The following CAMK4 variants were observed in gnomAD, a reference collection of about 807,000 sequenced individuals.
The protein encoded by CAMK4 is calcium/calmodulin dependent protein kinase IV.
CAMK4 carries 22 observed loss-of-function variants against 44.9 expected under a neutral mutation model. The ratio of observed to expected loss-of-function variants is 0.49; its 90% CI spans 0.35 to 0.70. The LOEUF is 0.70. Ranked by LOEUF, CAMK4 falls within the 30% of genes least tolerant of loss-of-function variation. The pLI, the probability that CAMK4 is intolerant of heterozygous loss-of-function variation, is 0.01. For synonymous variants in CAMK4, 218 were observed against 215.4 expected (o/e 1.01, Z -0.11); for missense variants, 498 against 586.8 (o/e 0.85, Z 1.56).
chr5:111,404,092 G>A (rs553399356), intron 5 of CAMK4, among the ~76,000 whole-genome samples: 7 of 152,274 alleles, frequency 4.6e-5, no homozygotes, highest in African/African-American at 1.4e-4. Context: ...AGGAGGGGTC[G>A]GGGTAGGAAT....
intron 1 of CAMK4, among the ~76,000 whole-genome samples, chr5:111,234,425 G>A (rs76900097): frequency 2.6e-5 from 4 of 152,110 alleles, no homozygotes; most frequent in African/African-American, 9.7e-5. Context: ...ATCAAGCAGA[G>A]GGTGAACTTA....
chr5:111,309,360 T>C (rs1167979046), intron 1 of CAMK4, among the ~76,000 whole-genome samples: 1 of 152,146 alleles, frequency 6.6e-6, no homozygotes, highest in East Asian at 1.9e-4. Flanking sequence ...TGATCAAAGA[T>C]GTGCATTTGT....
chr5:111,348,701 C>T (rs370714909), intron 2 of CAMK4, among the ~76,000 whole-genome samples: 1 of 151,852 alleles, frequency 6.6e-6, no homozygotes, highest in Non-Finnish European at 1.5e-5. Context: ...TATGGCAAAA[C>T]TAAACAATTA....
At chr5:111,363,871 T>C (rs1750690990) in intron 2 of CAMK4, among the ~76,000 whole-genome samples, 1 of 152,116 alleles carries the variant, frequency 6.6e-6, no homozygotes, top group Non-Finnish European at 1.5e-5. Flanking sequence ...AACAAAGGCA[T>C]TTAAGCTGAG....
At chr5:111,359,852 A>G (rs1271469614) in intron 2 of CAMK4, among the ~76,000 whole-genome samples, 2 of 152,102 alleles carry the variant, frequency 1.3e-5, no homozygotes, top group African/African-American at 4.8e-5. Flanking sequence ...TGTTTTTACC[A>G]TCAGGACATA....
Position 111,395,884 on chromosome 5 carries a change from CAGTT to C in CAMK4, c.459+1104_459+1107del, listed in dbSNP as rs774493172. ...CCCAGGGAGGGGTATTTATCAGGAT[CAGTT>C]AAAGAGACAAATCTATAAAATATAT... On this transcript the variant is annotated intron_variant, in intron 5 of 10. Transcript: ENST00000282356. Among the ~76,000 whole-genome samples the C allele has an allele frequency of 2.2e-4, 33 of 152,212 alleles. No homozygotes were observed. In the East Asian group the frequency reaches 5.2e-3, roughly 24 times the overall value.
In CAMK4 at chr5:111,252,352, C is replaced by A. The variant is rs116437270; in HGVS notation, c.161+27708C>A. ...ATAACCATAAACCATGGGGTGAGTA[C>A]CTTCTTATACATTTTTGTTTAGTAT... is the stretch of plus-strand genomic sequence containing the variant. On this transcript the variant is annotated intron_variant, in intron 1 of 10. Transcript: ENST00000282356. 3.4e-3 allele frequency among the ~76,000 whole-genome samples: 518 copies of A among 152,194 alleles called. 4 individuals are homozygous for A. Among genetic ancestry groups the A allele is most frequent in the African/African-American group, 0.012 (492 of 41,512 alleles).
At chr5:111,331,185 G>C (rs1169582183) in intron 1 of CAMK4, among the ~76,000 whole-genome samples, 1 of 151,376 alleles carries the variant, frequency 6.6e-6, no homozygotes, top group African/African-American at 2.4e-5. Context: ...ACTATTGACT[G>C]GGAGAATACA....
intron 7 of CAMK4, among the ~76,000 whole-genome samples, chr5:111,458,407 A>T (rs1045684672): frequency 6.6e-6 from 1 of 152,198 alleles, no homozygotes; most frequent in Non-Finnish European, 1.5e-5. Context: ...ACTGCCCTGA[A>T]CAAAGCGGTT....
Position 111,484,605 on chromosome 5 carries a change from TA to T in CAMK4, c.*141del, listed in dbSNP as rs1388413199. 1 of 456,334 alleles carries T rather than the reference TA, an allele frequency of 2.2e-6. No individual in the cohort carries two copies. The highest frequency in any genetic ancestry group is 2.0e-5 in the African/African-American group (1 of 49,746). 28.3% of individuals were successfully genotyped at this position (456,334 alleles called of 1,614,324 possible). On this transcript the variant is annotated 3_prime_UTR_variant, in exon 11 of 11. Transcript: ENST00000282356. The surrounding 1 kb of genome is among the most constrained non-coding windows in gnomAD (Gnocchi z 5.3). ...AAAAACATACATATATACCAGTTGG[TA>T]ATTCTAACTTCAATGCATGTGACTG...
chr5:111,419,318 A>G (rs1327044988), intron 5 of CAMK4, among the ~76,000 whole-genome samples: 11 of 149,446 alleles, frequency 7.4e-5, no homozygotes, highest in African/African-American at 1.5e-4. Context: ...AATTTGTTTG[A>G]GTTCATTGTA....
chr5:111,344,896 T>C (rs1049625255), intron 2 of CAMK4, among the ~76,000 whole-genome samples: 1 of 151,940 alleles, frequency 6.6e-6, no homozygotes, highest in Non-Finnish European at 1.5e-5. Flanking sequence ...TTATGCAGTT[T>C]CTACTCATAA....
chr5:111,320,155 A>G (rs144764489), intron 1 of CAMK4, among the ~76,000 whole-genome samples: 1 of 152,196 alleles, frequency 6.6e-6, no homozygotes, highest in African/African-American at 2.4e-5. Flanking sequence ...TGAATCTGAT[A>G]CTGCTAGGGA....
At chr5:111,263,328 G>A (rs1490496654) in intron 1 of CAMK4, among the ~76,000 whole-genome samples, 1 of 152,212 alleles carries the variant, frequency 6.6e-6, no homozygotes, top group Non-Finnish European at 1.5e-5. Flanking sequence ...ATGGAATGAG[G>A]AAAATGAAGG....
At chr5:111,475,936 T>C (rs1755220455) in intron 8 of CAMK4, among the ~76,000 whole-genome samples, 1 of 152,140 alleles carries the variant, frequency 6.6e-6, no homozygotes, top group South Asian at 2.1e-4. Flanking sequence ...CACAGTAGAG[T>C]AGAGAAGTAA....
chr5:111,252,133 C>A (rs1007265618), intron 1 of CAMK4, among the ~76,000 whole-genome samples: 1 of 152,176 alleles, frequency 6.6e-6, no homozygotes, highest in Non-Finnish European at 1.5e-5. Context: ...GTATTCATGG[C>A]AGCTCTGGGA....
At chr5:111,453,095 G>A (rs1754293194) in intron 7 of CAMK4, among the ~76,000 whole-genome samples, 1 of 152,104 alleles carries the variant, frequency 6.6e-6, no homozygotes, top group Non-Finnish European at 1.5e-5. Flanking sequence ...TTCTATGTAA[G>A]TAAATACATA....
At chr5:111,483,929 C>A in intron 10 of CAMK4, 97 bp from the exon 11 acceptor site, 1 of 933,990 alleles carries the variant, frequency 1.1e-6, no homozygotes, top group South Asian at 2.3e-5. Context: ...TAACGCTAAC[C>A]TATAAAACGG....
At chr5:111,431,740 G>GCAAA (rs1753450378) in intron 5 of CAMK4, among the ~76,000 whole-genome samples, 1 of 152,046 alleles carries the variant, frequency 6.6e-6, no homozygotes, top group South Asian at 2.1e-4. Flanking sequence ...CATACAAATG[G>GCAAA]CAAACAGGCA....
Sources: allele counts gnomAD v4.1 joint callset (sites outside exome capture counted in the v4.1 genomes callset), GRCh38; gene constraint gnomAD v4.1.1; non-coding constraint Gnocchi (gnomAD v3.1); transcripts MANE v1.5; gene names NCBI Gene and HGNC (gene_info 2026-07-23, HGNC 2026-07-21).